Variants in SLC10A7 observed in about 807,000 individuals in gnomAD.
SLC10A7 encodes the protein solute carrier family 10 member 7, also known as sodium/bile acid cotransporter 7.
A neutral mutation model predicts 43.2 loss-of-function variants in SLC10A7; 29 were observed. That is an observed-to-expected ratio of 0.67 (90% CI 0.50 to 0.92). The LOEUF (loss-of-function observed/expected upper bound fraction) is 0.92, where lower values mean the gene tolerates loss of function less well. SLC10A7 is among the 40% of genes least tolerant of loss of function. The pLI, the probability that SLC10A7 is intolerant of heterozygous loss-of-function variation, is 0.00. For missense variants in SLC10A7, 295 were observed against 403.2 expected (o/e 0.73, Z 2.30); for synonymous variants, 152 against 144.8 (o/e 1.05, Z -0.35).
chr4:146,508,047 C>T (rs1372925786), intron 3 of SLC10A7, among the ~76,000 whole-genome samples: 1 of 152,238 alleles, frequency 6.6e-6, no homozygotes, highest in African/African-American at 2.4e-5. Context: ...CTCTCTCCAT[C>T]ATCTATAGCT....
rs538202956 is a variant in SLC10A7, at chr4:146,371,104, A to G, written c.436-45108T>C. On this transcript the variant is annotated intron_variant, in intron 5 of 11. Coordinates refer to ENST00000335472, the MANE Select transcript of SLC10A7 (RefSeq NM_001029998.6). Reference sequence around the variant, plus strand: ...AAAGATAGATATGCTTCTTGCCCACAGGGAATTCACAACTCATTATCTTAC... The same window carrying G: ...AAAGATAGATATGCTTCTTGCCCACGGGGAATTCACAACTCATTATCTTAC... Among the ~76,000 whole-genome samples, 12 of 152,294 alleles carry G rather than the reference A, an allele frequency of 7.9e-5. No individual in the cohort carries two copies. In the South Asian group the frequency reaches 2.5e-3, roughly 32 times the overall value.
chr4:146,513,278 A>T (rs2150050865), intron 2 of SLC10A7, among the ~76,000 whole-genome samples: 1 of 152,100 alleles, frequency 6.6e-6, no homozygotes, highest in Non-Finnish European at 1.5e-5. Flanking sequence ...ATTAAATTAC[A>T]TTAAAAGTAT....
At chr4:146,354,288 A>G (rs1466987798) in intron 5 of SLC10A7, among the ~76,000 whole-genome samples, 2 of 151,984 alleles carry the variant, frequency 1.3e-5, no homozygotes, top group Admixed American at 6.6e-5. Context: ...CCCATTCACA[A>G]TTGCTTCAAA....
At chr4:146,435,220 G>T (rs1036027024) in intron 5 of SLC10A7, among the ~76,000 whole-genome samples, 1 of 152,072 alleles carries the variant, frequency 6.6e-6, no homozygotes, top group Non-Finnish European at 1.5e-5. Flanking sequence ...TTGTTTACTT[G>T]AAATCCTAAG....
intron 3 of SLC10A7, among the ~76,000 whole-genome samples, chr4:146,505,397 G>A (rs776241905): frequency 5.3e-5 from 8 of 151,714 alleles, no homozygotes; most frequent in South Asian, 2.1e-4. Context: ...TATATTAATC[G>A]ACTCTTTATA....
intron 9 of SLC10A7, among the ~76,000 whole-genome samples, chr4:146,284,084 T>C (rs1227602782): frequency 6.6e-6 from 1 of 152,178 alleles, no homozygotes; most frequent in Non-Finnish European, 1.5e-5. Context: ...AATAAGGGTT[T>C]AGAAAGCCAA....
intron 6 of SLC10A7, among the ~76,000 whole-genome samples, chr4:146,313,219 G>A (rs1157793483): frequency 1.3e-5 from 2 of 152,150 alleles, no homozygotes; most frequent in African/African-American, 4.8e-5. Flanking sequence ...AAAGGGCAAG[G>A]GAAAAGCCTG....
At chr4:146,288,917 T>C (rs1252959375) in intron 9 of SLC10A7, among the ~76,000 whole-genome samples, 1 of 152,246 alleles carries the variant, frequency 6.6e-6, no homozygotes, top group Non-Finnish European at 1.5e-5. Context: ...TTTCAATCAG[T>C]GTTTTCCACA....
chr4:146,496,764 T>G (rs114516858), intron 4 of SLC10A7, among the ~76,000 whole-genome samples: 1 of 152,216 alleles, frequency 6.6e-6, no homozygotes, highest in African/African-American at 2.4e-5. Flanking sequence ...CACCAAAAAC[T>G]TCGGGTAAAT....
chr4:146,316,044 TG>T (rs1252613065), intron 6 of SLC10A7, among the ~76,000 whole-genome samples: 2 of 152,098 alleles, frequency 1.3e-5, no homozygotes, highest in African/African-American at 2.4e-5. Flanking sequence ...TAAAATCTAG[TG>T]GACACTTGCC....
chr4:146,311,887 C>A (rs530346121), intron 6 of SLC10A7, among the ~76,000 whole-genome samples: 1 of 152,268 alleles, frequency 6.6e-6, no homozygotes, highest in South Asian at 2.1e-4. Flanking sequence ...CCAATCCCCT[C>A]CCTATACACG....
intron 4 of SLC10A7, among the ~76,000 whole-genome samples, chr4:146,457,549 CA>C (rs1423307491): frequency 6.6e-6 from 1 of 151,886 alleles, no homozygotes; most frequent in Non-Finnish European, 1.5e-5. Flanking sequence ...ATATACCACA[CA>C]AAAAACTTTC....
rs542397376 is a variant in SLC10A7 at position 146,517,916 on chromosome 4, A to G, written c.101-796T>C. On this transcript the variant is annotated intron_variant, in intron 1 of 11. Transcript: ENST00000335472. ...GTATTCATTCTACAAATACTTATTG[A>G]GCACTTGCTATGTGAATAAGATAAT... Among the ~76,000 whole-genome samples, 5 of 152,356 alleles carry G rather than the reference A, an allele frequency of 3.3e-5. No homozygotes were observed. The South Asian group carries it at 1.0e-3, about 32-fold the overall frequency.
chr4:146,415,180 T>C (rs990694051), intron 5 of SLC10A7, among the ~76,000 whole-genome samples: 31 of 152,182 alleles, frequency 2.0e-4, no homozygotes, highest in Non-Finnish European at 8.8e-5. Context: ...AAAGAAACAT[T>C]TACTACTTTC....
intron 4 of SLC10A7, among the ~76,000 whole-genome samples, chr4:146,444,752 TCAGC>T (rs1730895627): frequency 6.6e-6 from 1 of 152,186 alleles, no homozygotes; most frequent in South Asian, 2.1e-4. Flanking sequence ...ACTCACTCAG[TCAGC>T]TATACTGTCC....
rs544870106 is a variant in SLC10A7, at chr4:146,403,436, T to C, written c.435+39347A>G. Among the ~76,000 whole-genome samples, 3 of 152,256 alleles carry C rather than the reference T, an allele frequency of 2.0e-5. No homozygotes were observed. The East Asian group carries it at 5.8e-4, about 30-fold the overall frequency. On this transcript the variant is annotated intron_variant, in intron 5 of 11. Transcript: ENST00000335472. ...AAAGTCCCAGACTAAGAAGACACTTTGCTTATCTTGGCCAATGATTAGAGT... is the reference window on the plus strand; with the variant it reads ...AAAGTCCCAGACTAAGAAGACACTTCGCTTATCTTGGCCAATGATTAGAGT...
intron 4 of SLC10A7, among the ~76,000 whole-genome samples, chr4:146,503,516 A>G (rs181049071): frequency 2.0e-5 from 3 of 152,338 alleles, no homozygotes; most frequent in Admixed American, 2.0e-4. Flanking sequence ...AGGAATCGCC[A>G]TACTGGATGC....
chr4:146,499,750 C>T (rs1397351324), intron 4 of SLC10A7, among the ~76,000 whole-genome samples: 3 of 152,120 alleles, frequency 2.0e-5, no homozygotes, highest in Non-Finnish European at 1.5e-5. Flanking sequence ...ACAATATAAA[C>T]ATTTAAAGAA....
At chr4:146,520,592 C>T (rs1204592943) in intron 1 of SLC10A7, among the ~76,000 whole-genome samples, 1 of 152,164 alleles carries the variant, frequency 6.6e-6, no homozygotes, top group African/African-American at 2.4e-5. Context: ...CCTAAGAGAT[C>T]ATTTCATTCA....
Sources: allele counts gnomAD v4.1 joint callset (sites outside exome capture counted in the v4.1 genomes callset), GRCh38; gene constraint gnomAD v4.1.1; transcripts MANE v1.5; gene names NCBI Gene and HGNC (gene_info 2026-07-23, HGNC 2026-07-21).